Variants in TASP1 observed in about 807,000 individuals in gnomAD.
TASP1 encodes threonine aspartase 1.
TASP1 carries 16 observed loss-of-function variants against 56.6 expected under a neutral mutation model. That is an observed-to-expected ratio of 0.28 (90% confidence interval 0.19 to 0.43). The LOEUF (loss-of-function observed/expected upper bound fraction) is 0.43. TASP1 is among the 20% of genes least tolerant of loss of function. The pLI is 1.00. For synonymous variants in TASP1, 179 were observed against 184.2 expected (o/e 0.97, Z 0.23); for missense variants, 393 against 511.6 (o/e 0.77, Z 2.24).
the TASP1 span, among the ~76,000 whole-genome samples, chr20:13,362,752 T>G: frequency 6.8e-6 from 1 of 147,038 alleles, no homozygotes; most frequent in South Asian, 2.2e-4. Flanking sequence ...ACATCAGTGG[T>G]TGCCTAGAAT....
chr20:13,561,214 C>T (rs2046333048), intron 7 of TASP1, among the ~76,000 whole-genome samples: 1 of 152,154 alleles, frequency 6.6e-6, no homozygotes, highest in Non-Finnish European at 1.5e-5. Flanking sequence ...TGAAGGAAAT[C>T]CTTCCGGTTA....
intron 13 of TASP1, chr20:13,393,073 G>A (rs2041354708): frequency 3.3e-6 from 2 of 607,428 alleles, no homozygotes; most frequent in Admixed American, 2.0e-5. Context: ...GTTTATATAG[G>A]CATGAACCAT....
intron 10 of TASP1, among the ~76,000 whole-genome samples, chr20:13,515,095 T>C (rs901259194): frequency 6.6e-6 from 1 of 152,146 alleles, no homozygotes; most frequent in Non-Finnish European, 1.5e-5. Flanking sequence ...AGTTAGCAGT[T>C]TGTTGTATTC....
chr20:13,445,876 T>C (rs1277505000), intron 11 of TASP1, among the ~76,000 whole-genome samples: 1 of 152,152 alleles, frequency 6.6e-6, no homozygotes, highest in African/African-American at 2.4e-5. Flanking sequence ...ATATTAATAC[T>C]AAACTAGAAG....
chr20:13,200,303 C>T, the TASP1 span, among the ~76,000 whole-genome samples: 1 of 152,140 alleles, frequency 6.6e-6, no homozygotes, highest in African/African-American at 2.4e-5. Flanking sequence ...TGAGTGCTCA[C>T]CATTTGGAAA....
chr20:13,577,610 C>T (rs1303629552), intron 6 of TASP1, among the ~76,000 whole-genome samples: 1 of 152,048 alleles, frequency 6.6e-6, no homozygotes, highest in African/African-American at 2.4e-5. Context: ...ATTTTTCTCT[C>T]TCTCAACAAC....
chr20:13,225,067 A>T, the TASP1 span, among the ~76,000 whole-genome samples: 19 of 149,844 alleles, frequency 1.3e-4, no homozygotes, highest in South Asian at 8.5e-4. Flanking sequence ...GTTAGCCAGG[A>T]TGGTCTCACT....
At chr20:13,435,713 C>T (rs1340321562) in intron 11 of TASP1, among the ~76,000 whole-genome samples, 1 of 152,200 alleles carries the variant, frequency 6.6e-6, no homozygotes, top group Admixed American at 6.5e-5. Context: ...ATCTCACACA[C>T]TGAACCATTG....
chr20:13,352,194 AATCTC>A, the TASP1 span, among the ~76,000 whole-genome samples: 1 of 152,328 alleles, frequency 6.6e-6, no homozygotes, highest in East Asian at 1.9e-4. Context: ...TCAAGCCTGT[AATCTC>A]AGCACTTTGG....
chr20:13,510,859 T>C (rs1184220530), intron 10 of TASP1, among the ~76,000 whole-genome samples: 1 of 152,178 alleles, frequency 6.6e-6, no homozygotes, highest in African/African-American at 2.4e-5. Context: ...TTATCTCTTT[T>C]AGTTTTTGGT....
chr20:13,448,087 T>C (rs1323184892), intron 11 of TASP1, among the ~76,000 whole-genome samples: 7 of 152,156 alleles, frequency 4.6e-5, no homozygotes, highest in African/African-American at 9.7e-5. Flanking sequence ...TGTTTTCTAT[T>C]TGTGCTTTTA....
At chr20:13,491,511 G>A (rs1330945837) in intron 10 of TASP1, among the ~76,000 whole-genome samples, 1 of 152,154 alleles carries the variant, frequency 6.6e-6, no homozygotes, top group Non-Finnish European at 1.5e-5. Flanking sequence ...TGCCATGGGT[G>A]TTTTATGTTG....
intron 13 of TASP1, among the ~76,000 whole-genome samples, chr20:13,406,281 T>C (rs927331313): frequency 6.6e-5 from 10 of 152,252 alleles, no homozygotes; most frequent in African/African-American, 2.2e-4. Context: ...AATGGCTATC[T>C]TACTGTGTTT....
the TASP1 span, among the ~76,000 whole-genome samples, chr20:13,202,393 C>G: frequency 6.6e-6 from 1 of 152,132 alleles, no homozygotes; most frequent in African/African-American, 2.4e-5. Flanking sequence ...TTGAGTATTA[C>G]TTTTGCTTGT....
At chr20:13,422,108 C>T (rs1477788472) in intron 12 of TASP1, among the ~76,000 whole-genome samples, 5 of 151,992 alleles carry the variant, frequency 3.3e-5, no homozygotes, top group African/African-American at 1.2e-4. Context: ...CCCACCACCA[C>T]GCCCGGCTAA....
chr20:13,276,086 T>C, the TASP1 span, among the ~76,000 whole-genome samples: 1 of 152,238 alleles, frequency 6.6e-6, no homozygotes, highest in East Asian at 1.9e-4. Flanking sequence ...CCATGGCAGT[T>C]ATCGAGGAAG....
At chr20:13,291,170 C>T in the TASP1 span, among the ~76,000 whole-genome samples, 7 of 152,262 alleles carry the variant, frequency 4.6e-5, no homozygotes, top group East Asian at 1.2e-3. Context: ...TTTCTGTCAC[C>T]GCGGAGAGCA....
At chr20:13,320,558 A>G in the TASP1 span, among the ~76,000 whole-genome samples, 1 of 152,238 alleles carries the variant, frequency 6.6e-6, no homozygotes, top group Non-Finnish European at 1.5e-5. Context: ...TGCTATGTCA[A>G]TTAGGATAAG....
At chr20:13,224,841 CTTTTTTTTTTTT>C in the TASP1 span, among the ~76,000 whole-genome samples, 11 of 107,258 alleles carry the variant, frequency 1.0e-4, no homozygotes, top group Non-Finnish European at 1.7e-4. Context: ...AGCTTTCTTT[CTTTTTTTTTTTT>C]TTTTTTTTTT....
Sources: gnomAD v4.1 joint callset for allele counts (sites outside exome capture counted in the v4.1 genomes callset) on GRCh38, gnomAD v4.1.1 for gene constraint, MANE v1.5 for transcripts, NCBI Gene and HGNC (gene_info 2026-07-23, HGNC 2026-07-21) for gene names.